PTPN11: variants seen among roughly 807,000 people sequenced by gnomAD.
PTPN11 encodes the protein tyrosine-protein phosphatase non-receptor type 11.
PTPN11 carries 6 observed loss-of-function variants against 78.8 expected under a neutral mutation model. The ratio of observed to expected loss-of-function variants is 0.08; its 90% confidence interval spans 0.04 to 0.15. The LOEUF (loss-of-function observed/expected upper bound fraction) is 0.15, where lower values mean the gene tolerates loss of function less well. Ranked by LOEUF, PTPN11 falls within the 10% of genes least tolerant of loss-of-function variation. PTPN11 has a pLI of 1.00. For synonymous variants in PTPN11, 221 were observed against 263.5 expected (o/e 0.84, Z 1.56); for missense variants, 386 against 744.8 (o/e 0.52, Z 5.61).
intron 13 of PTPN11, among the ~76,000 whole-genome samples, chr12:112,496,318 T>C (rs2135924051): frequency 6.6e-6 from 1 of 152,298 alleles, no homozygotes; most frequent in East Asian, 1.9e-4. Context: ...CAGGCTCCTC[T>C]TATATTTTTC....
intron 13 of PTPN11, 74 bp from the exon 14 acceptor site, chr12:112,502,070 C>A: frequency 1.6e-6 from 2 of 1,238,396 alleles, no homozygotes; most frequent in Non-Finnish European, 2.4e-6. Flanking sequence ...TTTTTTTGGG[C>A]AAAATACCTT....
At chr12:112,481,892 C>T (rs944825153) in intron 9 of PTPN11, among the ~76,000 whole-genome samples, 182 bp from the exon 10 acceptor site, 12 of 152,220 alleles carry the variant, frequency 7.9e-5, no homozygotes, top group African/African-American at 2.7e-4. Flanking sequence ...GCCTGGTCCT[C>T]CGAATGCCTG....
At chr12:112,494,797 T>G (rs2038793631) in intron 13 of PTPN11, among the ~76,000 whole-genome samples, 1 of 152,228 alleles carries the variant, frequency 6.6e-6, no homozygotes, top group African/African-American at 2.4e-5. Flanking sequence ...GGTCCCTGAC[T>G]TATGATGGTT....
chr12:112,419,193 C>T lies in PTPN11; in HGVS notation c.14+68C>T, dbSNP rs1028324708. The T allele has an allele frequency of 1.0e-5, 14 of 1,368,892 alleles. No individual in the cohort carries two copies. In the East Asian group the frequency reaches 1.5e-4, roughly 15 times the overall value. The allele number at this position is 1,368,892 out of a possible 1,614,324, so 84.8% of individuals were successfully genotyped here. On this transcript the variant is annotated intron_variant, in intron 1 of 15. Transcript: ENST00000351677. ...ACCGCCGCGTTCGGTTAGCCCCGTC[C>T]GGAAGGGGGCGCCCCGGCCGGGCTT...
intron 6 of PTPN11, among the ~76,000 whole-genome samples, chr12:112,472,557 G>A (rs962243083): frequency 4.1e-5 from 6 of 147,022 alleles, no homozygotes; most frequent in Non-Finnish European, 9.0e-5. Context: ...TTTTTGAGAC[G>A]GAGTCTCGCT....
rs767192602 is a variant in PTPN11 at position 112,477,977 on chromosome 12, G to C, written c.1054G>C (p.Val352Leu). The change falls in exon 9 of 16, where the codon GTG (valine) becomes CTG (leucine). Residue 352 changes from valine (V) to leucine (L), a missense_variant. Around this residue, in one of 3 missense-constraint regions of PTPN11, gnomAD observed 279 missense variants for 503.3 expected, o/e 0.55. Transcript: ENST00000351677. ...WRMVFQENSR[V>L]IVMTTKEVER... ...GATGGTGTTCCAAGAAAACTCCCGA[G>C]TGATTGTCATGACAACGAAAGAAGT... 1 of 1,614,008 alleles carries C rather than the reference G, an allele frequency of 6.2e-7. No homozygotes were observed. Among genetic ancestry groups the C allele is most frequent in the East Asian group, 2.2e-5 (1 of 44,892 alleles).
chr12:112,456,190 T>C lies in PTPN11; in HGVS notation c.756+127T>C. ...CTGACGTCCTTTTTTAATTCGGCCATTGATTGACACGGAGCAAGTTGCTGA... is the reference window on the plus strand; with the variant it reads ...CTGACGTCCTTTTTTAATTCGGCCACTGATTGACACGGAGCAAGTTGCTGA... On this transcript the variant is annotated intron_variant, in intron 6 of 15. Coordinates refer to ENST00000351677, the MANE Select transcript of PTPN11 (RefSeq NM_002834.5). 1.4e-5 allele frequency: 10 copies of C among 722,854 alleles called. No individual in the cohort carries two copies. The South Asian group carries it at 1.6e-4, about 11-fold the overall frequency. The allele number at this position is 722,854 out of a possible 1,614,324, so 44.8% of individuals were successfully genotyped here.
At chr12:112,499,276 T>C (rs956798678) in intron 13 of PTPN11, among the ~76,000 whole-genome samples, 5 of 152,148 alleles carry the variant, frequency 3.3e-5, no homozygotes, top group African/African-American at 1.2e-4. Flanking sequence ...TTAAAATTTT[T>C]ATTTAAAAAG....
At chr12:112,441,812 T>C (rs1007048405) in intron 1 of PTPN11, among the ~76,000 whole-genome samples, 1 of 151,406 alleles carries the variant, frequency 6.6e-6, no homozygotes, top group African/African-American at 2.4e-5. Context: ...GGAGTCTCAC[T>C]CTGTCGCCCA....
At chr12:112,478,078 C>A (rs2135902306) in intron 9 of PTPN11, 63 bp downstream of exon 9, 1 of 1,558,686 alleles carries the variant, frequency 6.4e-7, no homozygotes, top group South Asian at 1.1e-5. Context: ...GTCAGATTGG[C>A]CATGTTTAGG....
chr12:112,503,063 G>A (rs1405858284), intron 14 of PTPN11, among the ~76,000 whole-genome samples: 2 of 152,226 alleles, frequency 1.3e-5, no homozygotes, highest in African/African-American at 4.8e-5. Context: ...AAGGCCAGAT[G>A]TGGGCCATGG....
At chr12:112,478,065 C>G in intron 9 of PTPN11, 50 bp downstream of exon 9, 1 of 1,598,412 alleles carries the variant, frequency 6.3e-7, no homozygotes, top group Non-Finnish European at 8.6e-7. Context: ...AAGTATCAGA[C>G]ATGTCAGATT....
At chr12:112,426,012 T>C (rs1948690271) in intron 1 of PTPN11, among the ~76,000 whole-genome samples, 1 of 152,204 alleles carries the variant, frequency 6.6e-6, no homozygotes, top group South Asian at 2.1e-4. Context: ...TTTCTCAGTA[T>C]AGCAGCCTTG....
In PTPN11 at chr12:112,467,184, C is replaced by T. The variant is rs2038341422; in HGVS notation, c.757-5760C>T. On this transcript the variant is annotated intron_variant, in intron 6 of 15. Coordinates refer to ENST00000351677, the MANE Select transcript of PTPN11 (RefSeq NM_002834.5). ...AGTAGTGCCGTTGGGTACTCACAGT[C>T]AGTAGTGCCGTTGGGTACTCACATG... Among the ~76,000 whole-genome samples, 3 of 152,188 alleles carry T rather than the reference C, an allele frequency of 2.0e-5. No individual in the cohort carries two copies. In the South Asian group the frequency reaches 6.2e-4, roughly 32 times the overall value.
chr12:112,448,976 T>C (rs2038035580), intron 2 of PTPN11, among the ~76,000 whole-genome samples: 1 of 150,340 alleles, frequency 6.7e-6, no homozygotes, highest in South Asian at 2.1e-4. Context: ...AACTTCCGCC[T>C]CCCGGGTTCA....
At chr12:112,424,738 G>C (rs992095054) in intron 1 of PTPN11, among the ~76,000 whole-genome samples, 1 of 151,590 alleles carries the variant, frequency 6.6e-6, no homozygotes, top group African/African-American at 2.4e-5. Flanking sequence ...TTTGAGATGG[G>C]GTCTTACTCT....
chr12:112,501,814 A>T (rs2135928427), intron 13 of PTPN11, among the ~76,000 whole-genome samples: 1 of 152,332 alleles, frequency 6.6e-6, no homozygotes, highest in African/African-American at 2.4e-5. Context: ...TTCCACATGA[A>T]CTATGAAATG....
intron 9 of PTPN11, 121 bp from the exon 10 acceptor site, chr12:112,481,953 A>T: frequency 9.0e-7 from 1 of 1,105,022 alleles, no homozygotes; most frequent in Non-Finnish European, 1.3e-6. Flanking sequence ...AACAGATGCG[A>T]AACAGGCCAT....
At chr12:112,444,125 C>G (rs534255111) in intron 1 of PTPN11, among the ~76,000 whole-genome samples, 4 of 152,252 alleles carry the variant, frequency 2.6e-5, no homozygotes, top group African/African-American at 9.6e-5. Context: ...GAGCGGCATT[C>G]AAACTATAGC....
Sources: allele counts gnomAD v4.1 joint callset (sites outside exome capture counted in the v4.1 genomes callset), GRCh38; gene constraint gnomAD v4.1.1; regional missense constraint gnomAD v4.1.1; transcripts MANE v1.5; gene names NCBI Gene and HGNC (gene_info 2026-07-23, HGNC 2026-07-21).